Variants in RBFOX1 observed in about 807,000 individuals in gnomAD.
RBFOX1 encodes RNA binding fox-1 homolog 1.
In RBFOX1, 8 loss-of-function variants were observed where a neutral mutation model predicts 57.7. The ratio of observed to expected loss-of-function variants is 0.14; its 90% CI spans 0.08 to 0.25. The LOEUF (loss-of-function observed/expected upper bound fraction) is 0.25. Ranked by LOEUF, RBFOX1 falls within the 10% of genes least tolerant of loss-of-function variation. RBFOX1 has a pLI of 1.00. For synonymous variants in RBFOX1, 326 were observed against 222.4 expected (o/e 1.47, Z -4.15); for missense variants, 611 against 548.5 (o/e 1.11, Z -1.14).
chr16:5,900,503 C>G (rs1489711373), intron 4 of RBFOX1, among the ~76,000 whole-genome samples: 1 of 152,054 alleles, frequency 6.6e-6, no homozygotes, highest in African/African-American at 2.4e-5. Context: ...CCTTTTTTAG[C>G]CCTTTTGCCC....
chr16:5,595,332 T>G (rs2047147301), intron 2 of RBFOX1, among the ~76,000 whole-genome samples: 1 of 152,204 alleles, frequency 6.6e-6, no homozygotes, highest in Non-Finnish European at 1.5e-5. Context: ...GGTCACTGTC[T>G]TAACTGGCTA....
chr16:6,816,903 C>T (rs935441512), intron 3 of RBFOX1, among the ~76,000 whole-genome samples: 2 of 151,786 alleles, frequency 1.3e-5, no homozygotes, highest in African/African-American at 2.4e-5. Context: ...TACCACCATG[C>T]CTAGCTGTTT....
chr16:6,827,138 T>C (rs748895356), intron 3 of RBFOX1, among the ~76,000 whole-genome samples: 25 of 152,254 alleles, frequency 1.6e-4, no homozygotes, highest in Admixed American at 3.9e-4. Flanking sequence ...ATATAAGATA[T>C]ACCATCCTAA....
chr16:5,905,831 C>A (rs1243553225), intron 4 of RBFOX1, among the ~76,000 whole-genome samples: 1 of 152,196 alleles, frequency 6.6e-6, no homozygotes, highest in East Asian at 1.9e-4. Flanking sequence ...CAAGCCCCAG[C>A]AAAGTGATAC....
intron 4 of RBFOX1, among the ~76,000 whole-genome samples, chr16:7,455,577 A>G (rs2058331812): frequency 6.6e-6 from 1 of 152,008 alleles, no homozygotes; most frequent in South Asian, 2.1e-4. Flanking sequence ...AGATTTCTTT[A>G]GTTCAAGAGT....
intron 3 of RBFOX1, among the ~76,000 whole-genome samples, chr16:5,814,731 A>G (rs921156600): frequency 6.6e-6 from 1 of 152,136 alleles, no homozygotes; most frequent in Non-Finnish European, 1.5e-5. Flanking sequence ...GATCGAGACC[A>G]TCCTGGCTAA....
At chr16:6,275,571 T>C (rs1263623809) in intron 1 of RBFOX1, among the ~76,000 whole-genome samples, 1 of 152,202 alleles carries the variant, frequency 6.6e-6, no homozygotes, top group Non-Finnish European at 1.5e-5. Flanking sequence ...GTGCTTGATA[T>C]GGTAGACATG....
At chr16:7,080,397 C>A (rs141428947) in intron 4 of RBFOX1, among the ~76,000 whole-genome samples, 2 of 152,250 alleles carry the variant, frequency 1.3e-5, no homozygotes, top group African/African-American at 4.8e-5. Flanking sequence ...CTGTCTTTAT[C>A]CTGGCAGAAC....
At chr16:5,811,833 A>G (rs1439324734) in intron 3 of RBFOX1, among the ~76,000 whole-genome samples, 1 of 152,148 alleles carries the variant, frequency 6.6e-6, no homozygotes, top group Non-Finnish European at 1.5e-5. Flanking sequence ...TACAATATAG[A>G]TCTTGACTGA....
chr16:6,998,238 T>G (rs574404375), intron 3 of RBFOX1, among the ~76,000 whole-genome samples: 1 of 152,318 alleles, frequency 6.6e-6, no homozygotes, highest in East Asian at 1.9e-4. Context: ...TTCAAATATT[T>G]GTTGCTAAAT....
At chr16:5,564,335 A>G (rs1567234927) in intron 2 of RBFOX1, among the ~76,000 whole-genome samples, 1 of 150,822 alleles carries the variant, frequency 6.6e-6, no homozygotes, top group Non-Finnish European at 1.5e-5. Flanking sequence ...GAGTTTCTTT[A>G]CTCTTCTGTC....
intron 3 of RBFOX1, among the ~76,000 whole-genome samples, chr16:5,623,180 C>T (rs1369865609): frequency 6.6e-6 from 1 of 152,116 alleles, no homozygotes; most frequent in Non-Finnish European, 1.5e-5. Flanking sequence ...TGAGCAGTCT[C>T]ATGGGGGCAT....
At chr16:5,930,062 A>C (rs148986698) in intron 4 of RBFOX1, among the ~76,000 whole-genome samples, 1 of 151,524 alleles carries the variant, frequency 6.6e-6, no homozygotes, top group African/African-American at 2.4e-5. Context: ...GTACAGCTGG[A>C]GAATGGGGGC....
At chr16:6,516,957 G>C (rs1567524165) in intron 2 of RBFOX1, among the ~76,000 whole-genome samples, 1 of 152,148 alleles carries the variant, frequency 6.6e-6, no homozygotes, top group Non-Finnish European at 1.5e-5. Flanking sequence ...AATATGCTCT[G>C]GGGGCAGAGA....
intron 2 of RBFOX1, among the ~76,000 whole-genome samples, chr16:6,512,895 A>G (rs2096282914): frequency 6.6e-6 from 1 of 152,216 alleles, no homozygotes; most frequent in Non-Finnish European, 1.5e-5. Context: ...GTTTTTAACT[A>G]GAGAGAATGT....
intron 2 of RBFOX1, among the ~76,000 whole-genome samples, chr16:6,480,280 T>G (rs2095352725): frequency 6.6e-6 from 1 of 152,044 alleles, no homozygotes. Context: ...TTAAAACAAG[T>G]TATATGTATA....
chr16:7,187,393 T>C (rs1300371223), intron 4 of RBFOX1, among the ~76,000 whole-genome samples: 4 of 151,926 alleles, frequency 2.6e-5, no homozygotes, highest in East Asian at 1.9e-4. Context: ...AATATGATAC[T>C]ATAAGAAAGC....
intron 4 of RBFOX1, among the ~76,000 whole-genome samples, chr16:7,437,555 C>T (rs1567165122): frequency 1.3e-5 from 2 of 152,298 alleles, no homozygotes; most frequent in East Asian, 1.9e-4. Context: ...AACGGAAACT[C>T]AGCAAAATTT....
chr16:6,918,112 C>T (rs1336787850), intron 3 of RBFOX1, among the ~76,000 whole-genome samples: 1 of 151,994 alleles, frequency 6.6e-6, no homozygotes, highest in African/African-American at 2.4e-5. Flanking sequence ...CATGGTGAAA[C>T]CCCTGTCTCT....
Sources: allele counts gnomAD v4.1 joint callset (sites outside exome capture counted in the v4.1 genomes callset), GRCh38; gene constraint gnomAD v4.1.1; transcripts MANE v1.5; gene names NCBI Gene and HGNC (gene_info 2026-07-23, HGNC 2026-07-21).